CCDC91: variants seen among roughly 807,000 people sequenced by gnomAD.
CCDC91 encodes the protein coiled-coil domain containing 91, also known as coiled-coil domain-containing protein 91.
A neutral mutation model predicts 63.2 loss-of-function variants in CCDC91; 48 were observed. The ratio of observed to expected loss-of-function variants is 0.76; its 90% CI spans 0.60 to 0.97. The LOEUF (loss-of-function observed/expected upper bound fraction) is 0.97, where lower values mean the gene tolerates loss of function less well. Among genes scored for constraint, CCDC91 ranks in the 50% least tolerant of loss-of-function variants. The pLI, the probability that CCDC91 is intolerant of heterozygous loss-of-function variation, is 0.00. For missense variants in CCDC91, 500 were observed against 494.6 expected, an observed-to-expected ratio of 1.01 and a Z score of -0.10; for synonymous variants, 167 against 165.8, an observed-to-expected ratio of 1.01 and a Z score of -0.06.
chr12:28,264,585 C>CTGTATGTG (rs1555169638), intron 3 of CCDC91, among the ~76,000 whole-genome samples: 21 of 137,254 alleles, frequency 1.5e-4, no homozygotes, highest in Non-Finnish European at 1.4e-4. Context: ...ATATGTCTGT[C>CTGTATGTG]TGTGTGTGTG....
chr12:28,514,371 T>C (rs1449500875), intron 12 of CCDC91, among the ~76,000 whole-genome samples: 1 of 152,022 alleles, frequency 6.6e-6, no homozygotes, highest in Non-Finnish European at 1.5e-5. Flanking sequence ...CTTTGTCAGA[T>C]GCATAGTTTG....
At chr12:28,267,369 T>C (rs1336660846) in intron 3 of CCDC91, among the ~76,000 whole-genome samples, 1 of 151,514 alleles carries the variant, frequency 6.6e-6, no homozygotes, top group African/African-American at 2.4e-5. Flanking sequence ...AGTGGTCGCA[T>C]AGTACTGTTT....
chr12:28,373,577 C>G (rs527755625), intron 7 of CCDC91, among the ~76,000 whole-genome samples: 1 of 151,940 alleles, frequency 6.6e-6, no homozygotes, highest in South Asian at 2.1e-4. Flanking sequence ...GATTCTTTCT[C>G]CTCGTAACTG....
intron 8 of CCDC91, among the ~76,000 whole-genome samples, chr12:28,430,096 C>G (rs145563312): frequency 3.9e-4 from 60 of 151,930 alleles, no homozygotes; most frequent in African/African-American, 1.4e-3. Flanking sequence ...AATACTATTA[C>G]AAATATTTAT....
intron 3 of CCDC91, among the ~76,000 whole-genome samples, chr12:28,270,541 C>T (rs7298379): frequency 0.42 from 63,207 of 151,870 alleles, 13,435 homozygotes; most frequent in Middle Eastern, 0.5. Flanking sequence ...TACTTTTCTT[C>T]ATCTCTTAAA....
chr12:28,423,387 A>G (rs74889441), intron 8 of CCDC91, among the ~76,000 whole-genome samples: 3,168 of 152,260 alleles, frequency 0.021, 81 homozygotes, highest in African/African-American at 0.064. Flanking sequence ...GAACAAAAGT[A>G]TGAAATATAC....
chr12:28,517,395 C>G (rs964468897), intron 12 of CCDC91, among the ~76,000 whole-genome samples: 2 of 151,898 alleles, frequency 1.3e-5, no homozygotes, highest in Non-Finnish European at 2.9e-5. Context: ...TAACTTGCAA[C>G]ACGTTTGAAC....
intron 11 of CCDC91, among the ~76,000 whole-genome samples, chr12:28,458,337 A>T (rs1018172836): frequency 2.0e-5 from 3 of 149,226 alleles, no homozygotes; most frequent in African/African-American, 7.4e-5. Context: ...TCCTTCTATT[A>T]TATTTTTTTC....
At chr12:28,313,638 A>G (rs7310297) in intron 6 of CCDC91, among the ~76,000 whole-genome samples, 63,533 of 151,920 alleles carry the variant, frequency 0.42, 13,562 homozygotes, top group Middle Eastern at 0.5. Flanking sequence ...ATATGGTCTA[A>G]TTACCAGGAT....
At chr12:28,525,974 T>G (rs1941221262) in intron 12 of CCDC91, among the ~76,000 whole-genome samples, 1 of 152,082 alleles carries the variant, frequency 6.6e-6, no homozygotes, top group Non-Finnish European at 1.5e-5. Flanking sequence ...TACCTTAAGT[T>G]TGTGTGAGTC....
At chr12:28,454,626 C>T (rs550669952) in intron 11 of CCDC91, among the ~76,000 whole-genome samples, 1 of 152,084 alleles carries the variant, frequency 6.6e-6, no homozygotes, top group South Asian at 2.1e-4. Context: ...TTCTCACAGG[C>T]CCCCAGGCAT....
At chr12:28,210,468 G>T (rs1048144732) in intron 1 of CCDC91, among the ~76,000 whole-genome samples, 96 of 152,170 alleles carry the variant, frequency 6.3e-4, no homozygotes, top group African/African-American at 2.3e-3. Context: ...TACAGTTGTT[G>T]TAAGTTTCTA....
intron 1 of CCDC91, among the ~76,000 whole-genome samples, chr12:28,196,777 G>A (rs1289332651): frequency 1.3e-5 from 2 of 152,288 alleles, no homozygotes; most frequent in Non-Finnish European, 2.9e-5. Flanking sequence ...TGAGGTAACT[G>A]CTGCAAACAT....
chr12:28,373,813 A>G (rs569422475), intron 7 of CCDC91, among the ~76,000 whole-genome samples: 1 of 152,086 alleles, frequency 6.6e-6, no homozygotes, highest in Non-Finnish European at 1.5e-5. Flanking sequence ...ATCATGGTGC[A>G]GTTTCCCCCA....
chr12:28,469,139 T>A (rs1480857130), intron 11 of CCDC91, among the ~76,000 whole-genome samples: 1 of 151,880 alleles, frequency 6.6e-6, no homozygotes, highest in Non-Finnish European at 1.5e-5. Context: ...AAGGGAGAAG[T>A]CAAATTATAA....
rs1951046005 is a variant in CCDC91 at position 28,475,672 on chromosome 12, C to T, written c.1102-8380C>T. Among the ~76,000 whole-genome samples, 5 of 151,948 alleles carry T rather than the reference C, an allele frequency of 3.3e-5. No homozygotes were observed. The South Asian group carries it at 1.0e-3, about 31-fold the overall frequency. Reference sequence around the variant, plus strand: ...CTTGAGTGCTCTTGCCCTCTCTCCCCCTCTTTTATCATGTAATGTATTCTA... The same window carrying T: ...CTTGAGTGCTCTTGCCCTCTCTCCCTCTCTTTTATCATGTAATGTATTCTA... On this transcript the variant is annotated intron_variant, in intron 11 of 12. Transcript: ENST00000536442.
intron 1 of CCDC91, among the ~76,000 whole-genome samples, chr12:28,222,730 T>A (rs1944029421): frequency 6.6e-6 from 1 of 152,202 alleles, no homozygotes; most frequent in South Asian, 2.1e-4. Context: ...ATTTTTTAAA[T>A]CTGTATTCTT....
At chr12:28,235,594 T>TA (rs11424459) in intron 1 of CCDC91, among the ~76,000 whole-genome samples, 139,265 of 143,998 alleles carry the variant, frequency 0.97, 67,380 homozygotes, top group South Asian at 1. Context: ...CGCATAGCAT[T>TA]AAAAAAAAAA....
At chr12:28,536,028 CAAAA>C (rs35608455) in intron 12 of CCDC91, among the ~76,000 whole-genome samples, 1 of 117,314 alleles carries the variant, frequency 8.5e-6, no homozygotes, top group African/African-American at 3.0e-5. Context: ...GACTCCATCT[CAAAA>C]AAAAAAAAAA....
Sources: gnomAD v4.1 joint callset for allele counts (sites outside exome capture counted in the v4.1 genomes callset) on GRCh38, gnomAD v4.1.1 for gene constraint, MANE v1.5 for transcripts, NCBI Gene and HGNC (gene_info 2026-07-23, HGNC 2026-07-21) for gene names.